Variants in CDH15 observed in about 807,000 individuals in gnomAD.
CDH15 encodes cadherin-15.
CDH15 carries 73 observed loss-of-function variants against 69.4 expected under a neutral mutation model. That is an observed-to-expected ratio of 1.05 (90% confidence interval 0.87 to 1.28). The LOEUF (loss-of-function observed/expected upper bound fraction) is 1.28, where lower values mean the gene tolerates loss of function less well. CDH15 is among the 50% of genes most tolerant of loss of function. CDH15 has a pLI of 0.00. For synonymous variants in CDH15, 624 were observed against 507.7 expected (o/e 1.23, Z -3.08); for missense variants, 1,343 against 1,133.6 (o/e 1.18, Z -2.65).
chr16:89,177,454 G>A lies in CDH15; in HGVS notation c.43-1962G>A, dbSNP rs866375588. Among the ~76,000 whole-genome samples the A allele has an allele frequency of 2.6e-5, 4 of 152,292 alleles. No individual in the cohort carries two copies. The South Asian group carries it at 6.2e-4, about 24-fold the overall frequency. ...AGAACATTCTGGCAGCTAGGAGAGCGCTGTTGGGTGGGAGGGGGCCTCCAG... is the reference window on the plus strand; with the variant it reads ...AGAACATTCTGGCAGCTAGGAGAGCACTGTTGGGTGGGAGGGGGCCTCCAG... On this transcript the variant is annotated intron_variant, in intron 1 of 13. Transcript: ENST00000289746.
At chr16:89,189,113 G>GCACAGGTGCCCACACACAGATGCCCACC (rs1567775195) in intron 7 of CDH15, among the ~76,000 whole-genome samples, 3 of 61,648 alleles carry the variant, frequency 4.9e-5, no homozygotes, top group African/African-American at 6.7e-5. Flanking sequence ...AGATGCCCAC[G>GCACAGGTGCCCACACACAGATGCCCACC]CACAGGTGCC....
rs1207772865 is a variant in CDH15, at chr16:89,192,491, C to G, written c.1855+47C>G. 1.9e-6 allele frequency: 3 copies of G among 1,552,048 alleles called. No homozygotes were observed. The East Asian group carries it at 7.2e-5, about 37-fold the overall frequency. The stretch of plus-strand genomic sequence containing the variant: ...ACCTGGACCCTCGGACCCTCGGACC[C>G]TCCTCCCCAGGCCGTCCCCTGCTAA... On this transcript the variant is annotated intron_variant, in intron 11 of 13. Transcript: ENST00000289746.
At chr16:89,190,022 AC>A (rs2151603358) in intron 7 of CDH15, among the ~76,000 whole-genome samples, 1 of 152,250 alleles carries the variant, frequency 6.6e-6, no homozygotes, top group African/African-American at 2.4e-5. Context: ...ATGTGCTTGA[AC>A]CCTGGGCTGC....
chr16:89,190,613 G>A, intron 8 of CDH15, 117 bp downstream of exon 8: 1 of 1,333,734 alleles, frequency 7.5e-7, no homozygotes, highest in Non-Finnish European at 1.0e-6. Flanking sequence ...TTTGCTGTGT[G>A]GGTTCCTGAA....
chr16:89,179,520 C>G lies in CDH15; in HGVS notation c.147C>G (p.Ile49Met), dbSNP rs780062251. The G allele has an allele frequency of 6.2e-7, 1 of 1,611,964 alleles. No individual in the cohort carries two copies. Among genetic ancestry groups the G allele is most frequent in the Non-Finnish European group, 8.5e-7 (1 of 1,179,142 alleles). Reference sequence around the variant, plus strand: ...GCCGCGTGCGGAGGGCCTGGGTCATCCCCCCGATCAGCGTATCCGAGAACC... The same window carrying G: ...GCCGCGTGCGGAGGGCCTGGGTCATGCCCCCGATCAGCGTATCCGAGAACC... The part of the protein sequence containing the change: ...ALSRVRRAWV[I>M]PPISVSENHK... Residue 49 changes from isoleucine (I) to methionine (M), a missense_variant, in exon 2 of 14, where the codon ATC (isoleucine) becomes ATG (methionine). By Grantham distance (10) the Ile-to-Met change is conservative. Coordinates refer to ENST00000289746, the MANE Select transcript of CDH15 (RefSeq NM_004933.3).
rs770629785 is a variant in CDH15 at position 89,190,363 on chromosome 16, C to G, written c.1099C>G (p.Gln367Glu). The change falls in exon 8 of 14, where the codon CAG becomes GAG. Residue 367 changes from glutamine (Q) to glutamate (E), a missense_variant. Gln to Glu is a conservative substitution (Grantham distance 29). Coordinates refer to ENST00000289746, the MANE Select transcript of CDH15 (RefSeq NM_004933.3). Reference sequence around the variant, plus strand: ...CCAGGCCAAGGTCCGCGTGCATGTGCAGGACACCAACGAGCCCCCCGTGTT... The same window carrying G: ...CCAGGCCAAGGTCCGCGTGCATGTGGAGGACACCAACGAGCCCCCCGTGTT... ...RGQAKVRVHV[Q>E]DTNEPPVFQE... 3 of 1,612,926 alleles carry G rather than the reference C, an allele frequency of 1.9e-6. No individual in the cohort carries two copies. The African/African-American group carries it at 4.0e-5, about 21-fold the overall frequency.
In CDH15 at chr16:89,192,295, A is replaced by C. The variant is rs1463709047; in HGVS notation, c.1706A>C (p.Gln569Pro). Reference sequence around the variant, plus strand: ...CTCCGGGACTCGGGGCAGCCGCCCCAGCAGCGCGAGCAGCCTCTGAACGTG... The same window carrying C: ...CTCCGGGACTCGGGGCAGCCGCCCCCGCAGCGCGAGCAGCCTCTGAACGTG... ...LLLRDSGQPP[Q>P]QREQPLNVTV... Residue 569 changes from glutamine to proline, a missense_variant, in exon 11 of 14, where the codon CAG becomes CCG. By Grantham distance (76) the Gln-to-Pro change is moderately conservative. Coordinates refer to ENST00000289746, the MANE Select transcript of CDH15 (RefSeq NM_004933.3). 18 of 1,532,550 alleles carry C rather than the reference A, an allele frequency of 1.2e-5. No homozygotes were observed. The highest frequency in any genetic ancestry group is 1.6e-5 in the Non-Finnish European group (18 of 1,145,976). 94.9% of individuals were successfully genotyped at this position (1,532,550 alleles called of 1,614,324 possible).
Position 89,188,299 on chromosome 16 carries a change from G to C in CDH15, c.978+14G>C. 1 of 1,610,930 alleles carries C rather than the reference G, an allele frequency of 6.2e-7. No individual in the cohort carries two copies. The highest frequency in any genetic ancestry group is 8.5e-7 in the Non-Finnish European group (1 of 1,178,806). ...TCCATTGTGAAGGTGAGCGGCCCCC[G>C]GCTGGCACACAGATGCCGGCAGACG... On this transcript the variant is annotated intron_variant, in intron 7 of 13. Coordinates refer to ENST00000289746, the MANE Select transcript of CDH15 (RefSeq NM_004933.3).
At chr16:89,177,007 C>CCCTG (rs1385773667) in intron 1 of CDH15, among the ~76,000 whole-genome samples, 1 of 152,106 alleles carries the variant, frequency 6.6e-6, no homozygotes, top group Non-Finnish European at 1.5e-5. Flanking sequence ...CAGGAGGCTG[C>CCCTG]CCCGTCTCTG....
intron 3 of CDH15, among the ~76,000 whole-genome samples, chr16:89,181,546 G>A (rs1245310080): frequency 6.6e-6 from 1 of 152,224 alleles, no homozygotes; most frequent in Non-Finnish European, 1.5e-5. Flanking sequence ...GGAAGGCTGA[G>A]GTGGGAGGAT....
In CDH15 at chr16:89,191,692, C is replaced by G; in HGVS notation, c.1413C>G (p.Ile471Met). 1 of 1,601,434 alleles carries G rather than the reference C, an allele frequency of 6.2e-7. No individual in the cohort carries two copies. The highest frequency in any genetic ancestry group is 8.5e-7 in the Non-Finnish European group (1 of 1,178,046). ...GCACCGCCACCGGCACCCTGTCCAT[C>G]GAGATCCTGGAGGTGAACGACCATG... ...QPRTATGTLS[I>M]EILEVNDHAP... Residue 471 changes from isoleucine (I) to methionine (M), a missense_variant, in exon 10 of 14, where the codon ATC becomes ATG. Coordinates refer to ENST00000289746, the MANE Select transcript of CDH15 (RefSeq NM_004933.3).
At position 89,192,421 on chromosome 16, in the gene CDH15, T is replaced by C. The variant is rs762629906; in HGVS notation, c.1832T>C (p.Leu611Pro). 3.9e-6 allele frequency: 6 copies of C among 1,550,870 alleles called. No homozygotes were observed. The African/African-American group carries it at 8.1e-5, about 21-fold the overall frequency. ...AGCCTGGGCGCACTGGTCATCGTGC[T>C]GGCCAGCGCCCTCCTGCTGCTGGGT... Reference protein sequence around the residue: ...GLSLGALVIVLASALLLLVLV... With the variant: ...GLSLGALVIVPASALLLLVLV... The change falls in exon 11 of 14, where the codon CTG becomes CCG. Residue 611 changes from leucine (L) to proline (P), a missense_variant. Physicochemically the swap from Leu to Pro is moderately conservative, Grantham distance 98. Transcript: ENST00000289746.
intron 10 of CDH15, 130 bp downstream of exon 10, chr16:89,192,024 A>ACC (rs556790462): frequency 9.2e-6 from 8 of 866,126 alleles, no homozygotes; most frequent in East Asian, 7.1e-5. Context: ...CCCTCCCGCC[A>ACC]CCCCCCCCAC....
At chr16:89,182,506 G>A (rs553529043) in intron 3 of CDH15, 1 of 150,956 alleles carries the variant, frequency 6.6e-6, no homozygotes, top group African/African-American at 2.4e-5. Flanking sequence ...GCCGGGTGTG[G>A]TGGCACGCGC....
chr16:89,191,720 C>G lies in CDH15; in HGVS notation c.1441C>G (p.Pro481Ala). 6.2e-7 allele frequency: 1 copy of G among 1,603,668 alleles called. No homozygotes were observed. The highest frequency in any genetic ancestry group is 8.5e-7 in the Non-Finnish European group (1 of 1,178,902). ...IEILEVNDHAPVLAPPPPGSL... is the reference protein window; with the variant it reads ...IEILEVNDHAAVLAPPPPGSL... ...GATCCTGGAGGTGAACGACCATGCA[C>G]CTGTGCTGGCCCCGCCGCCGCCGGG... The change falls in exon 10 of 14, where the codon CCT (proline) becomes GCT (alanine). Residue 481 changes from proline (P) to alanine (A), a missense_variant. Coordinates refer to ENST00000289746, the MANE Select transcript of CDH15 (RefSeq NM_004933.3).
At chr16:89,178,364 G>A (rs1339239759) in intron 1 of CDH15, among the ~76,000 whole-genome samples, 4 of 152,198 alleles carry the variant, frequency 2.6e-5, no homozygotes, top group Admixed American at 6.5e-5. Flanking sequence ...TACAAACAGT[G>A]CGTCCCAGCC....
chr16:89,174,994 C>T (rs928822199), intron 1 of CDH15, among the ~76,000 whole-genome samples: 5 of 152,282 alleles, frequency 3.3e-5, no homozygotes, highest in African/African-American at 9.6e-5. Context: ...GGACAAAGAG[C>T]CAGCTTTGAG....
Position 89,191,490 on chromosome 16 carries a change from C to G in CDH15, c.1375+18C>G, listed in dbSNP as rs1447707220. ...GGATGACGGTGAGCGGCGCCGCCGGCTTGGGGCTCCCTGACCTGGCCTTGT... is the reference window on the plus strand; with the variant it reads ...GGATGACGGTGAGCGGCGCCGCCGGGTTGGGGCTCCCTGACCTGGCCTTGT... On this transcript the variant is annotated intron_variant, in intron 9 of 13. Coordinates refer to ENST00000289746, the MANE Select transcript of CDH15 (RefSeq NM_004933.3). 2 of 1,610,912 alleles carry G rather than the reference C, an allele frequency of 1.2e-6. No individual in the cohort carries two copies. Among genetic ancestry groups the G allele is most frequent in the South Asian group, 2.2e-5 (2 of 91,036 alleles).
chr16:89,190,090 G>C (rs924886737), intron 7 of CDH15, among the ~76,000 whole-genome samples, 153 bp from the exon 8 acceptor site: 2 of 152,338 alleles, frequency 1.3e-5, no homozygotes, highest in Non-Finnish European at 2.9e-5. Flanking sequence ...GTGCCTTCTT[G>C]TCCTGCATAA....
Sources: allele counts gnomAD v4.1 joint callset (sites outside exome capture counted in the v4.1 genomes callset), GRCh38; gene constraint gnomAD v4.1.1; transcripts MANE v1.5; gene names NCBI Gene and HGNC (gene_info 2026-07-23, HGNC 2026-07-21).